FANCC: variants seen among roughly 807,000 people sequenced by gnomAD.
FANCC encodes the protein FA complementation group C.
A neutral mutation model predicts 71.3 loss-of-function variants in FANCC; 55 were observed. The ratio of observed to expected loss-of-function variants is 0.77; its 90% CI spans 0.62 to 0.97. The LOEUF is 0.97. FANCC is among the 50% of genes least tolerant of loss of function. The pLI, the probability that FANCC is intolerant of heterozygous loss-of-function variation, is 0.00. For synonymous variants in FANCC, 275 were observed against 244.9 expected (o/e 1.12, Z -1.15); for missense variants, 678 against 670.9 (o/e 1.01, Z -0.12).
intron 14 of FANCC, among the ~76,000 whole-genome samples, chr9:95,106,720 C>T (rs1289321029): frequency 6.6e-6 from 1 of 152,204 alleles, no homozygotes; most frequent in East Asian, 1.9e-4. Flanking sequence ...TCATCGTGGC[C>T]TTACTTCTTT....
chr9:95,145,302 T>C (rs1829377025), intron 7 of FANCC: 1 of 152,064 alleles, frequency 6.6e-6, no homozygotes, highest in Non-Finnish European at 1.5e-5. Flanking sequence ...AAAACACAAA[T>C]ACAACAAAAC....
Position 95,183,502 on chromosome 9 carries a change from C to G in FANCC, c.346-11355G>C, listed in dbSNP as rs980929048. Among the ~76,000 whole-genome samples the G allele has an allele frequency of 7.2e-5, 11 of 152,190 alleles. No homozygotes were observed. The East Asian group carries it at 2.1e-3, about 29-fold the overall frequency. On this transcript the variant is annotated intron_variant, in intron 4 of 14. Coordinates refer to ENST00000289081, the MANE Select transcript of FANCC (RefSeq NM_000136.3). ...TAATCGCTGCAGGATTCCCTTGTGA[C>G]CTTGTTATAGGAGAACACAACAAGT...
intron 4 of FANCC, among the ~76,000 whole-genome samples, chr9:95,204,516 G>C (rs1268690817): frequency 6.6e-6 from 1 of 152,148 alleles, no homozygotes. Context: ...GTGTGTAGGC[G>C]GGTTGGCCTT....
chr9:95,143,283 T>C (rs1295151856), intron 7 of FANCC, among the ~76,000 whole-genome samples: 1 of 152,206 alleles, frequency 6.6e-6, no homozygotes, highest in Non-Finnish European at 1.5e-5. Flanking sequence ...ACCACCAATC[T>C]GGAAGCTATT....
At position 95,301,175 on chromosome 9, in the gene FANCC, A is replaced by AACACACACAC. The variant is rs146415585; in HGVS notation, c.-79+16341_-79+16350dup. Among the ~76,000 whole-genome samples the AACACACACAC allele has an allele frequency of 2.0e-3, 296 of 146,086 alleles. 2 individuals are homozygous for AACACACACAC. Among genetic ancestry groups the AACACACACAC allele is most frequent in the South Asian group, 0.013 (59 of 4,492 alleles). On this transcript the variant is annotated intron_variant, in intron 1 of 14. Transcript: ENST00000289081. ...AAGTCAGTATAACAATAACCATCAA[A>AACACACACAC]ACACACACACACACACACACACACA...
chr9:95,106,976 C>T, intron 14 of FANCC, 90 bp downstream of exon 14: 2 of 1,271,154 alleles, frequency 1.6e-6, no homozygotes, highest in South Asian at 1.3e-5. Flanking sequence ...GGTACACACA[C>T]TGTGCAGAGG....
At chr9:95,225,778 A>T (rs1468925136) in intron 4 of FANCC, among the ~76,000 whole-genome samples, 1 of 152,232 alleles carries the variant, frequency 6.6e-6, no homozygotes, top group African/African-American at 2.4e-5. Context: ...ACTTCCAAAC[A>T]AAATTAAAAC....
intron 6 of FANCC, among the ~76,000 whole-genome samples, chr9:95,170,207 TA>T (rs1825574537): frequency 6.6e-6 from 1 of 152,148 alleles, no homozygotes; most frequent in African/African-American, 2.4e-5. Flanking sequence ...ACCTGACATG[TA>T]AATAAATAAA....
At chr9:95,215,729 T>TG (rs1469304739) in intron 4 of FANCC, among the ~76,000 whole-genome samples, 1 of 152,210 alleles carries the variant, frequency 6.6e-6, no homozygotes, top group Non-Finnish European at 1.5e-5. Flanking sequence ...GTAGAGGCCA[T>TG]GGGTTCCAGA....
intron 1 of FANCC, chr9:95,293,667 A>G: frequency 1.9e-6 from 3 of 1,614,106 alleles, no homozygotes; most frequent in Non-Finnish European, 2.5e-6. Context: ...TTGTTCTCAA[A>G]CTGATTTGTT....
At chr9:95,312,034 C>G (rs1835438581) in intron 1 of FANCC, among the ~76,000 whole-genome samples, 2 of 152,164 alleles carry the variant, frequency 1.3e-5, no homozygotes, top group Admixed American at 1.3e-4. Context: ...TAATCCTGTC[C>G]TCTTCTCCTC....
chr9:95,211,373 T>C (rs1283525697), intron 4 of FANCC, among the ~76,000 whole-genome samples: 1 of 152,212 alleles, frequency 6.6e-6, no homozygotes, highest in Non-Finnish European at 1.5e-5. Flanking sequence ...ATGGGGGCTC[T>C]GAGTTTTTGG....
At chr9:95,167,789 TAGTC>T (rs1251634706) in intron 6 of FANCC, among the ~76,000 whole-genome samples, 7 of 152,318 alleles carry the variant, frequency 4.6e-5, no homozygotes, top group African/African-American at 1.4e-4. Flanking sequence ...TTCAAATACT[TAGTC>T]AGGTAATGCA....
At chr9:95,202,342 A>G (rs1035683314) in intron 4 of FANCC, among the ~76,000 whole-genome samples, 2 of 152,210 alleles carry the variant, frequency 1.3e-5, no homozygotes, top group African/African-American at 2.4e-5. Flanking sequence ...AGCACAGGTT[A>G]GGAGTGAGGC....
chr9:95,292,348 C>T (rs1834079040), intron 1 of FANCC: 4 of 928,276 alleles, frequency 4.3e-6, no homozygotes, highest in African/African-American at 1.8e-5. Context: ...ATGGCGGCCT[C>T]GGAGGCGGTG....
intron 3 of FANCC, among the ~76,000 whole-genome samples, chr9:95,242,361 C>A (rs1307180479): frequency 1.3e-5 from 2 of 151,802 alleles, no homozygotes; most frequent in Non-Finnish European, 2.9e-5. Context: ...AGAAATTCTA[C>A]CTAGCTTCAT....
chr9:95,195,834 A>G (rs762909134), intron 4 of FANCC, among the ~76,000 whole-genome samples: 1 of 152,218 alleles, frequency 6.6e-6, no homozygotes, highest in Non-Finnish European at 1.5e-5. Flanking sequence ...TTTGTTATGT[A>G]TATACCTAAG....
chr9:95,136,013 C>G (rs958573173), intron 7 of FANCC, among the ~76,000 whole-genome samples: 1 of 152,162 alleles, frequency 6.6e-6, no homozygotes, highest in Non-Finnish European at 1.5e-5. Flanking sequence ...TGCAACAACA[C>G]ACGTACAGTG....
intron 1 of FANCC, among the ~76,000 whole-genome samples, chr9:95,254,576 G>A (rs370940549): frequency 2.6e-4 from 40 of 152,214 alleles, no homozygotes; most frequent in Non-Finnish European, 4.6e-4. Flanking sequence ...CATGGTCTTC[G>A]CAACCTACAG....
Sources: gnomAD v4.1 joint callset for allele counts (sites outside exome capture counted in the v4.1 genomes callset) on GRCh38, gnomAD v4.1.1 for gene constraint, MANE v1.5 for transcripts, NCBI Gene and HGNC (gene_info 2026-07-23, HGNC 2026-07-21) for gene names.